NKAIN4: variants seen among roughly 807,000 people sequenced by gnomAD.
NKAIN4 encodes sodium/potassium transporting ATPase interacting 4, also known as sodium/potassium-transporting ATPase subunit beta-1-interacting protein 4.
In NKAIN4, 28 loss-of-function variants were observed where a neutral mutation model predicts 28.8. That is an observed-to-expected ratio of 0.97 (90% confidence interval 0.72 to 1.33). The LOEUF (loss-of-function observed/expected upper bound fraction) is 1.33, where lower values mean the gene tolerates loss of function less well. Ranked by LOEUF, NKAIN4 falls within the 40% of genes most tolerant of loss-of-function variation. NKAIN4 has a pLI of 0.00. For missense variants in NKAIN4, 289 were observed against 277.2 expected, an observed-to-expected ratio of 1.04 and a Z score of -0.30; for synonymous variants, 122 against 115.6, an observed-to-expected ratio of 1.06 and a Z score of -0.36.
At position 63,250,063 on chromosome 20, in the gene NKAIN4, G is replaced by A. The variant is rs1264471931; in HGVS notation, c.64C>T (p.Leu22=). 7 of 1,576,754 alleles carry A rather than the reference G, an allele frequency of 4.4e-6. No individual in the cohort carries two copies. The highest frequency in any genetic ancestry group is 6.0e-6 in the Non-Finnish European group (7 of 1,162,366). ...VLCAFQLVAA[L]ERQVFDFLGY... ...AGGAAGTCAAACACCTGCCTCTCCA[G>A]GGCGGCGACCTAGGAGCAGGGCGGG... Residue 22 remains leucine, a synonymous_variant, in exon 2 of 7, where the codon CTG becomes TTG. Coordinates refer to ENST00000370316, the MANE Select transcript of NKAIN4 (RefSeq NM_152864.4).
chr20:63,248,815 C>A lies in NKAIN4; in HGVS notation c.273G>T (p.Lys91Asn). The A allele has an allele frequency of 6.2e-7, 1 of 1,609,964 alleles. No individual in the cohort carries two copies. The highest frequency in any genetic ancestry group is 8.5e-7 in the Non-Finnish European group (1 of 1,177,458). Residue 91 changes from lysine (K) to asparagine (N), a missense_variant and splice_region_variant, in exon 3 of 7, where the codon AAG (lysine) becomes AAT (asparagine). Physicochemically the swap from Lys to Asn is moderately conservative, Grantham distance 94. Coordinates refer to ENST00000370316, the MANE Select transcript of NKAIN4 (RefSeq NM_152864.4). ...CFYLEVGGLLKDSELLTFSLS... is the reference protein window; with the variant it reads ...CFYLEVGGLLNDSELLTFSLS... The stretch of plus-strand genomic sequence containing the variant: ...GCGCTGCCTCCCAGTCTGCACTCAC[C>A]TTTAAGAGGCCACCGACTTCCAGGT...
chr20:63,241,704 G>A (rs1299427189), intron 6 of NKAIN4, 198 bp from the exon 7 acceptor site: 2 of 701,284 alleles, frequency 2.9e-6, no homozygotes, highest in Non-Finnish European at 5.3e-6. Flanking sequence ...CGGCAGGTCA[G>A]CGTCTTGTGC....
chr20:63,249,955 G>C lies in NKAIN4; in HGVS notation c.172C>G (p.Arg58Gly), dbSNP rs553448751. ...CTCACCACCATGACATAGCGCAGCC[G>C]GTACTGGATGGTGCCGAAGAGTCCC... ...ILGLFGTIQYRLRYVMVYTLW... is the reference protein window; with the variant it reads ...ILGLFGTIQYGLRYVMVYTLW... The change falls in exon 2 of 7, where the codon CGG becomes GGG. Residue 58 changes from arginine to glycine, a missense_variant. By Grantham distance (125) the Arg-to-Gly change is moderately radical (BLOSUM62 -2). Transcript: ENST00000370316. The C allele has an allele frequency of 6.2e-7, 1 of 1,613,434 alleles. No individual in the cohort carries two copies. Among genetic ancestry groups the C allele is most frequent in the South Asian group, 1.1e-5 (1 of 91,050 alleles).
At chr20:63,243,518 C>T (rs1010618009) in intron 5 of NKAIN4, among the ~76,000 whole-genome samples, 32 of 152,162 alleles carry the variant, frequency 2.1e-4, no homozygotes, top group African/African-American at 7.5e-4. Context: ...CACACCAGGA[C>T]GAGGGGACCC....
At chr20:63,250,134 G>C in intron 1 of NKAIN4, 62 bp from the exon 2 acceptor site, 2 of 1,501,534 alleles carry the variant, frequency 1.3e-6, no homozygotes, top group Non-Finnish European at 1.8e-6. Context: ...CCGCCAGCCA[G>C]GTACTGGGCC....
At chr20:63,244,174 C>T in intron 4 of NKAIN4, 90 bp from the exon 5 acceptor site, 2 of 1,153,216 alleles carry the variant, frequency 1.7e-6, no homozygotes, top group Non-Finnish European at 2.5e-6. Context: ...ACTGGAGCGC[C>T]CCTGACCACC....
At chr20:63,253,356 G>A (rs1601303715) in intron 1 of NKAIN4, 1 of 985,358 alleles carries the variant, frequency 1.0e-6, no homozygotes, top group Non-Finnish European at 1.2e-6. Context: ...GGAAGGACAC[G>A]ATGCCTCCGC....
chr20:63,246,698 C>T, intron 4 of NKAIN4: 1 of 985,402 alleles, frequency 1.0e-6, no homozygotes, highest in Middle Eastern at 5.2e-4. Context: ...GTCAGAAGTT[C>T]CTCCAGCGAC....
intron 2 of NKAIN4, 99 bp downstream of exon 2, chr20:63,249,836 G>T: frequency 7.7e-7 from 1 of 1,306,460 alleles, no homozygotes; most frequent in Non-Finnish European, 1.1e-6. Flanking sequence ...GGGGTGTTCA[G>T]TGGTGTCCAG....
intron 1 of NKAIN4, chr20:63,254,179 A>C: frequency 2.4e-6 from 1 of 417,648 alleles, no homozygotes; most frequent in Non-Finnish European, 4.2e-6. Context: ...CCCCCCGCGC[A>C]CGCACACCGG....
rs1221555365 is a variant in NKAIN4, at chr20:63,242,703, C to G, written c.533-80G>C. On this transcript the variant is annotated intron_variant, in intron 5 of 6. Transcript: ENST00000370316. ...AGAGTGGAAAACAAGCCCAACCAGA[C>G]AAAGAAGCCCAAGGGGTCCCTGGGG... 3.2e-6 allele frequency: 3 copies of G among 941,544 alleles called. No individual in the cohort carries two copies. The Admixed American group carries it at 6.0e-5, about 19-fold the overall frequency. 58.3% of individuals were successfully genotyped at this position (941,544 alleles called of 1,614,324 possible). A position where few individuals can be genotyped will look rare whatever the true frequency, so the allele number is the denominator to read the frequency against.
chr20:63,249,890 A>T (rs1177711828), intron 2 of NKAIN4, 45 bp downstream of exon 2: 2 of 1,565,982 alleles, frequency 1.3e-6, no homozygotes. Context: ...CATCCTGGTC[A>T]CCTCAACCCA....
rs2123096404 is a variant in NKAIN4, at chr20:63,247,599, A to G, written c.450T>C (p.Ser150=). The G allele has an allele frequency of 1.9e-6, 3 of 1,547,124 alleles. No homozygotes were observed. Among genetic ancestry groups the G allele is most frequent in the Non-Finnish European group, 1.7e-6 (2 of 1,144,984 alleles). Reference sequence around the variant, plus strand: ...TCACCGCGATCAGGATCTGCAGGCAACTGTGTAGGGCCTCCACATAGCTGG... The same window carrying G: ...TCACCGCGATCAGGATCTGCAGGCAGCTGTGTAGGGCCTCCACATAGCTGG... The part of the protein sequence containing the change: ...LEPSYVEALH[S]CLQILIALLG... Residue 150 remains serine, a synonymous_variant, in exon 4 of 7, where the codon AGT becomes AGC. Transcript: ENST00000370316.
rs867071056 is a variant in NKAIN4, at chr20:63,242,419, G to A, written c.617+120C>T. On this transcript the variant is annotated intron_variant, in intron 6 of 6. Transcript: ENST00000370316. ...GAAAAGTGAGAGTGGATGGATGGAC[G>A]GATGGATGGCAGAACGGACAGGCAG... 41 of 749,602 alleles carry A rather than the reference G, an allele frequency of 5.5e-5. 1 individual carries two copies. The highest frequency in any genetic ancestry group is 3.5e-4 in the South Asian group (24 of 68,400). The allele number at this position is 749,602 out of a possible 1,614,324, so 46.4% of individuals were successfully genotyped here.
Position 63,252,401 on chromosome 20 carries a change from T to G in NKAIN4, c.54+1996A>C, listed in dbSNP as rs572024603. ...CACTGTTCTTTGGGGAGAAAGGCGC[T>G]CAGAAGAGATGCCTGGGCCCTTTGT... On this transcript the variant is annotated intron_variant, in intron 1 of 6. Coordinates refer to ENST00000370316, the MANE Select transcript of NKAIN4 (RefSeq NM_152864.4). This position sits in a 1 kb window ranked among gnomAD's most constrained non-coding sequence, Gnocchi z 4.6. Among the ~76,000 whole-genome samples the G allele has an allele frequency of 6.6e-6, 1 of 151,728 alleles. No homozygotes were observed. Among genetic ancestry groups the G allele is most frequent in the African/African-American group, 2.4e-5 (1 of 41,262 alleles).
rs2295536 is a variant in NKAIN4, at chr20:63,252,844, G to A, written c.54+1553C>T. On this transcript the variant is annotated intron_variant, in intron 1 of 6. Coordinates refer to ENST00000370316, the MANE Select transcript of NKAIN4 (RefSeq NM_152864.4). The surrounding 1 kb of genome is among the most constrained non-coding windows in gnomAD (Gnocchi z 4.6). Reference sequence around the variant, plus strand: ...GTGAAACGGGAACATGACCCCACCCGCCCCTCTGCACCCTGAGGTCACATC... The same window carrying A: ...GTGAAACGGGAACATGACCCCACCCACCCCTCTGCACCCTGAGGTCACATC... Among the ~76,000 whole-genome samples, 33 of 151,782 alleles carry A rather than the reference G, an allele frequency of 2.2e-4. 1 individual carries two copies. The East Asian group carries it at 5.2e-3, about 24-fold the overall frequency.
intron 2 of NKAIN4, 117 bp downstream of exon 2, chr20:63,249,818 G>T: frequency 1.8e-6 from 2 of 1,099,040 alleles, no homozygotes; most frequent in Non-Finnish European, 1.3e-6. Context: ...GTCTGGGTTG[G>T]CATTTGTGGG....
In NKAIN4 at chr20:63,248,787, C is replaced by G. The variant is rs375719568; in HGVS notation, c.273+28G>C. ...CCCGGCCCAGACCCCAGGGAAGGAC[C>G]TCGCGCTGCCTCCCAGTCTGCACTC... On this transcript the variant is annotated intron_variant, in intron 3 of 6. Coordinates refer to ENST00000370316, the MANE Select transcript of NKAIN4 (RefSeq NM_152864.4). 1.8e-5 allele frequency: 27 copies of G among 1,520,474 alleles called. No homozygotes were observed. The East Asian group carries it at 2.0e-4, about 11-fold the overall frequency. The allele number at this position is 1,520,474 out of a possible 1,614,324, so 94.2% of individuals were successfully genotyped here.
chr20:63,248,959 A>C lies in NKAIN4; in HGVS notation c.193-64T>G, dbSNP rs2066908727. ...CTCCCGGGCACACCTGCTTGCATCC[A>C]GCCCCCGGGGGAAGGGGTCCCATGA... is the stretch of plus-strand genomic sequence containing the variant. On this transcript the variant is annotated intron_variant, in intron 2 of 6. Transcript: ENST00000370316. 3 of 1,127,484 alleles carry C rather than the reference A, an allele frequency of 2.7e-6. No individual in the cohort carries two copies. The Admixed American group carries it at 5.2e-5, about 20-fold the overall frequency. The allele number at this position is 1,127,484 out of a possible 1,614,324, so 69.8% of individuals were successfully genotyped here.
Sources: gnomAD v4.1 joint callset for allele counts (sites outside exome capture counted in the v4.1 genomes callset) on GRCh38, gnomAD v4.1.1 for gene constraint, Gnocchi (gnomAD v3.1) non-coding constraint, MANE v1.5 for transcripts, NCBI Gene and HGNC (gene_info 2026-07-23, HGNC 2026-07-21) for gene names.